Variants in NWD2 observed in about 807,000 individuals in gnomAD.
NWD2 encodes NACHT and WD repeat domain-containing protein 2.
In NWD2, 37 loss-of-function variants were observed where a neutral mutation model predicts 132.7. The observed-to-expected ratio is 0.28, with a 90% CI of 0.21 to 0.37. The LOEUF (loss-of-function observed/expected upper bound fraction) is 0.37, where lower values mean the gene tolerates loss of function less well. Ranked by LOEUF, NWD2 falls within the 10% of genes least tolerant of loss-of-function variation. The pLI is 1.00. For missense variants in NWD2, 1,592 were observed against 2,122.4 expected (o/e 0.75, Z 4.91); for synonymous variants, 705 against 803.0 (o/e 0.88, Z 2.06).
intron 2 of NWD2, among the ~76,000 whole-genome samples, chr4:37,335,728 A>G (rs1391550053): frequency 6.6e-6 from 1 of 151,586 alleles, no homozygotes; most frequent in Non-Finnish European, 1.5e-5. Context: ...ATGAGAATCA[A>G]ATGCCTGATG....
At chr4:37,312,415 A>T (rs1329202135) in intron 1 of NWD2, among the ~76,000 whole-genome samples, 39 of 151,020 alleles carry the variant, frequency 2.6e-4, no homozygotes, top group Non-Finnish European at 5.1e-4. Flanking sequence ...TTCACTCATG[A>T]TTTGGCTCTC....
At chr4:37,338,085 C>T (rs1309804324) in intron 2 of NWD2, among the ~76,000 whole-genome samples, 1 of 152,228 alleles carries the variant, frequency 6.6e-6, no homozygotes, top group Non-Finnish European at 1.5e-5. Flanking sequence ...TCTGATCTTT[C>T]CCTACCTGTG....
chr4:37,245,289 GTC>G, intron 1 of NWD2, 71 bp downstream of exon 1: 1 of 1,449,390 alleles, frequency 6.9e-7, no homozygotes, highest in South Asian at 1.4e-5. Context: ...GAGAGTGTGT[GTC>G]CGCCCCACAG....
chr4:37,423,740 A>T (rs1346700670), intron 3 of NWD2, among the ~76,000 whole-genome samples: 1 of 151,642 alleles, frequency 6.6e-6, no homozygotes, highest in Non-Finnish European at 1.5e-5. Context: ...CCTAACCAGA[A>T]ATAATGTTAA....
intron 1 of NWD2, among the ~76,000 whole-genome samples, chr4:37,264,623 C>T (rs1183557925): frequency 6.6e-6 from 1 of 152,046 alleles, no homozygotes; most frequent in Admixed American, 6.6e-5. Flanking sequence ...AAAATAAATG[C>T]TCTTAACATA....
chr4:37,356,282 A>G (rs995063819), intron 2 of NWD2, 84 bp from the exon 3 acceptor site: 3 of 671,160 alleles, frequency 4.5e-6, no homozygotes, highest in Non-Finnish European at 4.9e-6. Flanking sequence ...GCAAAGAGAA[A>G]AGTTAAAAGT....
intron 3 of NWD2, among the ~76,000 whole-genome samples, chr4:37,372,955 T>C (rs1488424227): frequency 6.6e-6 from 1 of 152,224 alleles, no homozygotes; most frequent in Non-Finnish European, 1.5e-5. Context: ...CGTATTGAAC[T>C]GTGAAGATAC....
intron 1 of NWD2, among the ~76,000 whole-genome samples, chr4:37,324,588 G>T (rs778329595): frequency 6.6e-6 from 1 of 152,066 alleles, no homozygotes; most frequent in Admixed American, 6.6e-5. Context: ...CCATAACACC[G>T]CATGGGCCCC....
chr4:37,321,027 C>A (rs1191928999), intron 1 of NWD2, among the ~76,000 whole-genome samples: 1 of 152,032 alleles, frequency 6.6e-6, no homozygotes, highest in Non-Finnish European at 1.5e-5. Flanking sequence ...TGTGGTGGCA[C>A]ACACCTGTAA....
At chr4:37,381,527 G>A (rs570422407) in intron 3 of NWD2, among the ~76,000 whole-genome samples, 2 of 152,288 alleles carry the variant, frequency 1.3e-5, no homozygotes, top group East Asian at 1.9e-4. Flanking sequence ...CCATGAGGCC[G>A]CTCCCTCAGA....
At chr4:37,400,864 A>G (rs1444305229) in intron 3 of NWD2, among the ~76,000 whole-genome samples, 1 of 152,312 alleles carries the variant, frequency 6.6e-6, no homozygotes, top group South Asian at 2.1e-4. Flanking sequence ...ATCTTAATCC[A>G]TGTGTGTTAC....
At chr4:37,345,373 C>T (rs142152777) in intron 2 of NWD2, among the ~76,000 whole-genome samples, 41 of 152,254 alleles carry the variant, frequency 2.7e-4, no homozygotes, top group Non-Finnish European at 4.6e-4. Flanking sequence ...CACATTCTTG[C>T]CAACACTTGT....
intron 3 of NWD2, among the ~76,000 whole-genome samples, chr4:37,364,236 C>T (rs1720042516): frequency 6.6e-6 from 1 of 152,198 alleles, no homozygotes; most frequent in African/African-American, 2.4e-5. Flanking sequence ...CGTCCCCACT[C>T]CACCATGTGT....
intron 1 of NWD2, among the ~76,000 whole-genome samples, chr4:37,302,692 A>G (rs1265742526): frequency 6.6e-6 from 1 of 151,842 alleles, no homozygotes; most frequent in Non-Finnish European, 1.5e-5. Flanking sequence ...TGTGGTTTTG[A>G]TTTGTATTTC....
intron 1 of NWD2, among the ~76,000 whole-genome samples, chr4:37,260,081 C>A (rs1173365127): frequency 6.6e-6 from 1 of 152,168 alleles, no homozygotes; most frequent in African/African-American, 2.4e-5. Context: ...AAATCATGTA[C>A]CATCAGGCTT....
intron 1 of NWD2, among the ~76,000 whole-genome samples, chr4:37,310,061 A>G (rs1243194829): frequency 6.6e-6 from 1 of 152,176 alleles, no homozygotes; most frequent in Non-Finnish European, 1.5e-5. Flanking sequence ...TCCTGTTAGA[A>G]AAAAAATCCC....
intron 1 of NWD2, among the ~76,000 whole-genome samples, chr4:37,261,185 T>C (rs1339504579): frequency 1.3e-5 from 2 of 152,186 alleles, no homozygotes; most frequent in Non-Finnish European, 2.9e-5. Flanking sequence ...ATCTAGGAGA[T>C]GCTGAGGACT....
chr4:37,358,432 A>G (rs1719914054), intron 3 of NWD2, among the ~76,000 whole-genome samples: 1 of 150,936 alleles, frequency 6.6e-6, no homozygotes, highest in Non-Finnish European at 1.5e-5. Flanking sequence ...AAGTTGTGTT[A>G]AATATCTGAA....
intron 3 of NWD2, among the ~76,000 whole-genome samples, chr4:37,407,150 A>T (rs952859451): frequency 2.0e-5 from 3 of 152,182 alleles, no homozygotes; most frequent in African/African-American, 7.2e-5. Context: ...ACAGGTTGAT[A>T]GGTGCAGCAA....
Sources: gnomAD v4.1 joint callset for allele counts (sites outside exome capture counted in the v4.1 genomes callset) on GRCh38, gnomAD v4.1.1 for gene constraint, MANE v1.5 for transcripts, NCBI Gene and HGNC (gene_info 2026-07-23, HGNC 2026-07-21) for gene names.